CYRIB: variants seen among roughly 807,000 people sequenced by gnomAD.
CYRIB encodes CYFIP-related Rac1 interactor B.
A neutral mutation model predicts 44.2 loss-of-function variants in CYRIB; 8 were observed. The observed-to-expected ratio is 0.18, with a 90% CI of 0.11 to 0.33. CYRIB has a LOEUF of 0.33. CYRIB is among the 10% of genes least tolerant of loss of function. The probability of loss-of-function intolerance (pLI) is 1.00; values close to 1 mark genes in which losing one functional copy is unlikely to be tolerated. For missense variants in CYRIB, 185 were observed against 382.8 expected (o/e 0.48, Z 4.31); for synonymous variants, 131 against 127.2 (o/e 1.03, Z -0.20).
chr8:129,982,086 T>G (rs1399777602), intron 1 of CYRIB, among the ~76,000 whole-genome samples: 1 of 152,220 alleles, frequency 6.6e-6, no homozygotes. Flanking sequence ...ATTTCCTAGC[T>G]TTAGCAATGC....
intron 1 of CYRIB, among the ~76,000 whole-genome samples, chr8:129,911,472 C>T (rs2077974133): frequency 6.6e-6 from 1 of 152,124 alleles, no homozygotes; most frequent in Admixed American, 6.5e-5. Flanking sequence ...TTTCCACTAA[C>T]TTCTTTTATT....
At chr8:130,015,826 G>A (rs1003383403) in intron 1 of CYRIB, among the ~76,000 whole-genome samples, 3 of 152,344 alleles carry the variant, frequency 2.0e-5, no homozygotes, top group Non-Finnish European at 4.4e-5. Flanking sequence ...TTAAACACAG[G>A]CGGGTGGCTA....
intron 2 of CYRIB, among the ~76,000 whole-genome samples, chr8:129,885,715 C>T (rs2134291623): frequency 6.6e-6 from 1 of 152,220 alleles, no homozygotes; most frequent in African/African-American, 2.4e-5. Flanking sequence ...AAAGCTGCTG[C>T]TTTTAACATA....
rs181346960 is a variant in CYRIB, at chr8:130,005,278, C to G, written c.-296+11092G>C. Among the ~76,000 whole-genome samples the G allele has an allele frequency of 5.9e-5, 9 of 152,186 alleles. No homozygotes were observed. The South Asian group carries it at 1.7e-3, about 28-fold the overall frequency. On this transcript the variant is annotated intron_variant, in intron 1 of 14. Coordinates refer to the CYRIB transcript ENST00000401979. ...GAACCAGCGGAAAATCAGCCCAGCT[C>G]GGATCAGAACAGGAAACCAGGACCC... is the stretch of plus-strand genomic sequence containing the variant.
intron 2 of CYRIB, among the ~76,000 whole-genome samples, chr8:129,898,056 G>T (rs1004708703): frequency 2.7e-5 from 4 of 150,600 alleles, no homozygotes; most frequent in African/African-American, 9.8e-5. Context: ...GAGCCACTGT[G>T]CCTGGCCCCA....
intron 1 of CYRIB, among the ~76,000 whole-genome samples, chr8:130,013,221 C>T (rs2097265969): frequency 6.6e-6 from 1 of 152,198 alleles, no homozygotes; most frequent in African/African-American, 2.4e-5. Context: ...AAGGACTTTG[C>T]TTATGCTACT....
chr8:129,867,288 T>C (rs1048279126), intron 4 of CYRIB, among the ~76,000 whole-genome samples: 1 of 117,454 alleles, frequency 8.5e-6, no homozygotes, highest in South Asian at 2.5e-4. Flanking sequence ...CACACCTGGC[T>C]TTTTTTTTTT....
chr8:129,852,150 G>A lies in CYRIB; in HGVS notation c.633+12C>T. The A allele has an allele frequency of 1.3e-6, 2 of 1,495,626 alleles. No homozygotes were observed. The highest frequency in any genetic ancestry group is 1.8e-6 in the Non-Finnish European group (2 of 1,106,432). The allele number at this position is 1,495,626 out of a possible 1,614,324, so 92.6% of individuals were successfully genotyped here. ...AATAACAACACAGAGTACCTGCCTA[G>A]GCAATGCTTACCTCTGATACAAATT... On this transcript the variant is annotated intron_variant, in intron 8 of 11. Transcript: ENST00000519824.
intron 1 of CYRIB, among the ~76,000 whole-genome samples, chr8:129,917,581 G>A (rs2081383880): frequency 6.6e-6 from 1 of 152,166 alleles, no homozygotes; most frequent in Non-Finnish European, 1.5e-5. Context: ...ATCTTGGCCA[G>A]GTGCAGTGGC....
intron 1 of CYRIB, among the ~76,000 whole-genome samples, chr8:130,015,626 T>G (rs945563517): frequency 2.6e-5 from 4 of 152,154 alleles, no homozygotes; most frequent in African/African-American, 9.7e-5. Flanking sequence ...AAGACCTCGA[T>G]TCCTCCTTCG....
chr8:129,892,139 G>C (rs1447569750), intron 2 of CYRIB, among the ~76,000 whole-genome samples: 1 of 152,102 alleles, frequency 6.6e-6, no homozygotes, highest in Non-Finnish European at 1.5e-5. Flanking sequence ...TGAAAGCACA[G>C]AAACACATCC....
chr8:129,941,236 A>C (rs531569034), upstream of CYRIB, among the ~76,000 whole-genome samples: 1 of 147,988 alleles, frequency 6.8e-6, no homozygotes, highest in East Asian at 2.0e-4. Flanking sequence ...TATTGTAGCT[A>C]TTATAATTCT....
At chr8:129,886,051 CTT>C (rs1385062294) in intron 2 of CYRIB, among the ~76,000 whole-genome samples, 1 of 152,190 alleles carries the variant, frequency 6.6e-6, no homozygotes, top group East Asian at 1.9e-4. Context: ...CTCCTGCCTG[CTT>C]TTGTCTCCTC....
chr8:129,976,824 G>GT lies in CYRIB; in HGVS notation c.-295-5830dup, dbSNP rs991512979. On this transcript the variant is annotated intron_variant, in intron 1 of 14. Transcript: ENST00000401979. ...TTTGTGTGTGTGTTTATGTGTTGTTGTTTTTTTTTGTTTTTTGGGGTTTTT... is the reference window on the plus strand; with the variant it reads ...TTTGTGTGTGTGTTTATGTGTTGTTGTTTTTTTTTTGTTTTTTGGGGTTTTT... Among the ~76,000 whole-genome samples, 622 of 150,606 alleles carry GT rather than the reference G, an allele frequency of 4.1e-3. 3 individuals carry two copies. The highest frequency in any genetic ancestry group is 0.013 in the African/African-American group (538 of 41,084).
In CYRIB at chr8:129,952,417, C is replaced by T. The variant is rs142645517; in HGVS notation, c.-243+18526G>A. 5.0e-4 allele frequency among the ~76,000 whole-genome samples: 76 copies of T among 151,756 alleles called. No individual in the cohort carries two copies. In the South Asian group the frequency reaches 0.01, roughly 20 times the overall value. ...TGTATATGTATGTATACAATAAATA[C>T]GTAATAAAGTTATATATAATAGAAT... On this transcript the variant is annotated intron_variant, in intron 2 of 14. Coordinates refer to the CYRIB transcript ENST00000401979.
At chr8:129,997,134 G>A (rs1426328788) in intron 1 of CYRIB, among the ~76,000 whole-genome samples, 3 of 150,924 alleles carry the variant, frequency 2.0e-5, no homozygotes, top group African/African-American at 7.4e-5. Flanking sequence ...GGAGGAGGAG[G>A]AGGAGGGAGG....
chr8:129,874,413 AAAG>A lies in CYRIB; in HGVS notation c.74-2920_74-2918del, dbSNP rs35055254. 7.4e-3 allele frequency among the ~76,000 whole-genome samples: 1,127 copies of A among 152,266 alleles called. 10 individuals carry two copies. The highest frequency in any genetic ancestry group is 0.013 in the Non-Finnish European group (851 of 67,956). ...TAAAATTGAAGTCGTTGTAATATAA[AAAG>A]AAGCAAAGATTAACTATGAAATGAA... On this transcript the variant is annotated intron_variant, in intron 3 of 11. Coordinates refer to ENST00000519824, the Ensembl canonical transcript of CYRIB.
At chr8:129,845,767 G>A (rs1256335692) in intron 11 of CYRIB, among the ~76,000 whole-genome samples, 1 of 152,092 alleles carries the variant, frequency 6.6e-6, no homozygotes, top group East Asian at 1.9e-4. Flanking sequence ...ATCAAGTAAT[G>A]GGACATCATC....
rs1393714056 is a variant in CYRIB, at chr8:129,998,134, A to C, written c.-296+18236T>G. Among the ~76,000 whole-genome samples, 19 of 151,496 alleles carry C rather than the reference A, an allele frequency of 1.3e-4. 2 individuals are homozygous for C. The highest frequency in any genetic ancestry group is 9.7e-4 in the East Asian group (5 of 5,170). ...GACTCTGTCTCAAAAAAAAAAAAAAAAAAACAAAAAAAACACCTCAGAAAC... is the reference window on the plus strand; with the variant it reads ...GACTCTGTCTCAAAAAAAAAAAAAACAAAACAAAAAAAACACCTCAGAAAC... On this transcript the variant is annotated intron_variant, in intron 1 of 14. Coordinates refer to the CYRIB transcript ENST00000401979.
Sources: gnomAD v4.1 joint callset for allele counts (sites outside exome capture counted in the v4.1 genomes callset) on GRCh38, gnomAD v4.1.1 for gene constraint, MANE v1.5 for transcripts, NCBI Gene and HGNC (gene_info 2026-07-23, HGNC 2026-07-21) for gene names.